RBMS2: variants seen among roughly 807,000 people sequenced by gnomAD.
The protein encoded by RBMS2 is RNA binding motif single stranded interacting protein 2.
Under a neutral mutation model 58.4 loss-of-function variants are expected in RBMS2, and 38 were observed. The ratio of observed to expected loss-of-function variants is 0.65; its 90% CI spans 0.50 to 0.85. RBMS2 has a LOEUF of 0.85. Ranked by LOEUF, RBMS2 falls within the 40% of genes least tolerant of loss-of-function variation. RBMS2 has a pLI of 0.00. For missense variants in RBMS2, 367 were observed against 503.7 expected (o/e 0.73, Z 2.60); for synonymous variants, 151 against 180.7 (o/e 0.84, Z 1.32).
rs1348667922 is a variant in RBMS2 at position 56,588,388 on chromosome 12, C to T, written c.1143+14C>T. 1 of 1,600,154 alleles carries T rather than the reference C, an allele frequency of 6.2e-7. No homozygotes were observed. The highest frequency in any genetic ancestry group is 8.6e-7 in the Non-Finnish European group (1 of 1,167,760). Reference sequence around the variant, plus strand: ...GTTTCAGTCGAGGTAAGGGTGTTATCATTTCTTTGGATTGAGATTAGGAAA... The same window carrying T: ...GTTTCAGTCGAGGTAAGGGTGTTATTATTTCTTTGGATTGAGATTAGGAAA... On this transcript the variant is annotated intron_variant, in intron 12 of 13. Transcript: ENST00000262031.
Position 56,593,133 on chromosome 12 carries a change from T to G in RBMS2, c.*4000T>G, listed in dbSNP as rs1885422626. 1 of 151,888 alleles carries G rather than the reference T, an allele frequency of 6.6e-6. No individual in the cohort carries two copies. The highest frequency in any genetic ancestry group is 2.1e-4 in the South Asian group (1 of 4,778). 9.4% of individuals were successfully genotyped at this position (151,888 alleles called of 1,614,324 possible). A position where few individuals can be genotyped will look rare whatever the true frequency, so the allele number is the denominator to read the frequency against. The stretch of plus-strand genomic sequence containing the variant: ...GATGTTGTTTTTAATGTTTTTGGTT[T>G]TTTGGTTTTGTTGTTTTGTTTTTTT... On this transcript the variant is annotated 3_prime_UTR_variant, in exon 14 of 14. Transcript: ENST00000262031.
At chr12:56,571,493 T>C (rs935304854) in intron 4 of RBMS2, among the ~76,000 whole-genome samples, 7 of 152,192 alleles carry the variant, frequency 4.6e-5, no homozygotes, top group Non-Finnish European at 8.8e-5. Context: ...TGTATAGTAC[T>C]AGAAATATTA....
chr12:56,571,557 G>T, intron 4 of RBMS2, 141 bp from the exon 5 acceptor site: 1 of 849,648 alleles, frequency 1.2e-6, no homozygotes, highest in Non-Finnish European at 1.7e-6. Context: ...TAGTGGGACT[G>T]GGTGTTAACA....
chr12:56,548,743 T>C (rs1877710198), intron 1 of RBMS2, among the ~76,000 whole-genome samples: 2 of 152,224 alleles, frequency 1.3e-5, no homozygotes, highest in South Asian at 4.1e-4. Context: ...TTTAGGGATT[T>C]ATTAACATGA....
intron 1 of RBMS2, among the ~76,000 whole-genome samples, chr12:56,535,287 G>GA (rs1458823497): frequency 2.0e-5 from 3 of 151,988 alleles, no homozygotes; most frequent in Non-Finnish European, 4.4e-5. Context: ...TTGAGCTCAG[G>GA]AGTTTGAGAC....
chr12:56,538,987 G>GT (rs1555188897), intron 1 of RBMS2, among the ~76,000 whole-genome samples: 109 of 149,498 alleles, frequency 7.3e-4, no homozygotes, highest in Middle Eastern at 3.4e-3. Context: ...CAAATCATTC[G>GT]TTGTTAGTTA....
At chr12:56,552,973 G>A (rs1878549113) in intron 1 of RBMS2, among the ~76,000 whole-genome samples, 1 of 123,526 alleles carries the variant, frequency 8.1e-6, no homozygotes, top group Non-Finnish European at 1.6e-5. Flanking sequence ...TTATCCCCCA[G>A]GCTGGAGTGC....
chr12:56,523,937 AC>A (rs1353391504), intron 1 of RBMS2, among the ~76,000 whole-genome samples: 2 of 152,164 alleles, frequency 1.3e-5, no homozygotes, highest in Admixed American at 1.3e-4. Flanking sequence ...CTTGTAGAGT[AC>A]CATGTGAAAA....
intron 1 of RBMS2, among the ~76,000 whole-genome samples, chr12:56,536,497 T>TTTCCTTCC (rs532331764): frequency 2.0e-5 from 3 of 151,076 alleles, no homozygotes; most frequent in East Asian, 2.0e-4. Context: ...AGTAAGATCT[T>TTTCCTTCC]TTCCTTCCTT....
Position 56,595,032 on chromosome 12 carries a change from A to G in RBMS2, c.*5899A>G, listed in dbSNP as rs1885616681. The G allele has an allele frequency of 6.6e-6, 1 of 152,242 alleles. No individual in the cohort carries two copies. Among genetic ancestry groups the G allele is most frequent in the Non-Finnish European group, 1.5e-5 (1 of 68,056 alleles). The allele number at this position is 152,242 out of a possible 1,614,324, so 9.4% of individuals were successfully genotyped here. The stretch of plus-strand genomic sequence containing the variant: ...CGCCCTAGAATAGTGTGAACTCTCC[A>G]GATAGGTCCTGCTGTGATAGGCCAG... On this transcript the variant is annotated 3_prime_UTR_variant, in exon 14 of 14. Transcript: ENST00000262031.
At chr12:56,554,237 A>G (rs1195542146) in intron 1 of RBMS2, among the ~76,000 whole-genome samples, 1 of 152,200 alleles carries the variant, frequency 6.6e-6, no homozygotes, top group Non-Finnish European at 1.5e-5. Flanking sequence ...TTCCCCTATC[A>G]GCTGTCAAGG....
rs185160069 is a variant in RBMS2 at position 56,586,146 on chromosome 12, G to A, written c.874-703G>A. On this transcript the variant is annotated intron_variant, in intron 9 of 13. Transcript: ENST00000262031. ...GATTGAGACCATCCTGGCTAACACGGTGAAACCCTGTCTCTACTGAAAATA... is the reference window on the plus strand; with the variant it reads ...GATTGAGACCATCCTGGCTAACACGATGAAACCCTGTCTCTACTGAAAATA... Among the ~76,000 whole-genome samples the A allele has an allele frequency of 2.6e-5, 4 of 152,282 alleles. No individual in the cohort carries two copies. In the East Asian group the frequency reaches 5.8e-4, roughly 22 times the overall value.
At chr12:56,567,182 T>C (rs1323726541) in intron 2 of RBMS2, among the ~76,000 whole-genome samples, 1 of 151,532 alleles carries the variant, frequency 6.6e-6, no homozygotes, top group East Asian at 2.0e-4. Flanking sequence ...GTCAGGAGTT[T>C]GAGACCAGCC....
intron 1 of RBMS2, among the ~76,000 whole-genome samples, chr12:56,545,420 C>T (rs1369728122): frequency 6.6e-6 from 1 of 152,176 alleles, no homozygotes; most frequent in African/African-American, 2.4e-5. Flanking sequence ...ATATAATTCA[C>T]ACATCATACA....
rs192689578 is a variant in RBMS2, at chr12:56,584,900, T to G, written c.874-1949T>G. ...GTACAATGGACCAATCTCAGCTCACTGCAACCTCTGCCTCCTGGGTTCAAG... is the reference window on the plus strand; with the variant it reads ...GTACAATGGACCAATCTCAGCTCACGGCAACCTCTGCCTCCTGGGTTCAAG... On this transcript the variant is annotated intron_variant, in intron 9 of 13. Coordinates refer to ENST00000262031, the MANE Select transcript of RBMS2 (RefSeq NM_002898.4). Among the ~76,000 whole-genome samples, 306 of 149,478 alleles carry G rather than the reference T, an allele frequency of 2.0e-3. 1 individual carries two copies. Among genetic ancestry groups the G allele is most frequent in the African/African-American group, 6.8e-3 (275 of 40,566 alleles).
chr12:56,521,716 C>T (rs374269709), upstream of RBMS2, among the ~76,000 whole-genome samples: 1 of 150,986 alleles, frequency 6.6e-6, no homozygotes, highest in South Asian at 2.1e-4. Flanking sequence ...ACTCCTGAGA[C>T]TATGAAAAAC....
intron 1 of RBMS2, among the ~76,000 whole-genome samples, chr12:56,526,635 T>A (rs1592311517): frequency 1.5e-5 from 2 of 134,378 alleles, no homozygotes; most frequent in Non-Finnish European, 1.6e-5. Flanking sequence ...TTTTTAAACA[T>A]CAGTTTTAAT....
chr12:56,587,002 A>G (rs1884760387), intron 10 of RBMS2, 76 bp downstream of exon 10: 2 of 1,436,770 alleles, frequency 1.4e-6, no homozygotes, highest in Non-Finnish European at 2.0e-6. Flanking sequence ...ACTGTGGCTC[A>G]CGCCTGTAAT....
At chr12:56,569,397 A>C (rs568897163) in intron 3 of RBMS2, among the ~76,000 whole-genome samples, 1 of 152,106 alleles carries the variant, frequency 6.6e-6, no homozygotes, top group African/African-American at 2.4e-5. Flanking sequence ...TTATTTTCTG[A>C]GGGTGAGTAG....
Sources: gnomAD v4.1 joint callset for allele counts (sites outside exome capture counted in the v4.1 genomes callset) on GRCh38, gnomAD v4.1.1 for gene constraint, MANE v1.5 for transcripts, NCBI Gene and HGNC (gene_info 2026-07-23, HGNC 2026-07-21) for gene names.